The following BBS2 variants were observed in gnomAD, a reference collection of about 807,000 sequenced individuals.
BBS2 encodes BBSome complex member BBS2.
Under a neutral mutation model 83.0 loss-of-function variants are expected in BBS2, and 62 were observed. The observed-to-expected ratio is 0.75, with a 90% CI of 0.61 to 0.92. The LOEUF (loss-of-function observed/expected upper bound fraction) is 0.92, where lower values mean the gene tolerates loss of function less well. BBS2 is among the 40% of genes least tolerant of loss of function. BBS2 has a pLI of 0.00. For synonymous variants in BBS2, 303 were observed against 326.1 expected (o/e 0.93, Z 0.76); for missense variants, 784 against 901.0 (o/e 0.87, Z 1.66).
At chr16:56,497,901 C>G in intron 13 of BBS2, 21 bp from the exon 14 acceptor site, 1 of 1,605,442 alleles carries the variant, frequency 6.2e-7, no homozygotes, top group Non-Finnish European at 8.5e-7. Flanking sequence ...AAAAAATAGA[C>G]AAGTTTAGCA....
intron 15 of BBS2, among the ~76,000 whole-genome samples, chr16:56,495,538 G>C (rs1177937831): frequency 1.3e-5 from 2 of 152,044 alleles, no homozygotes; most frequent in Admixed American, 1.3e-4. Context: ...AGACTGAGTG[G>C]GCAAGCAAAA....
chr16:56,476,067 C>A, intron 17 of BBS2: 1 of 1,612,746 alleles, frequency 6.2e-7, no homozygotes, highest in Non-Finnish European at 8.5e-7. Flanking sequence ...ATCCAGAAAG[C>A]AATTCTTTGG....
At chr16:56,507,191 G>A (rs993992742) in intron 5 of BBS2, among the ~76,000 whole-genome samples, 3 of 152,168 alleles carry the variant, frequency 2.0e-5, no homozygotes, top group African/African-American at 7.2e-5. Flanking sequence ...TTTGAGCTAG[G>A]AGCAAAACCT....
Position 56,499,914 on chromosome 16 carries a change from CCAAT to C in BBS2, c.1398-11_1398-8del. The C allele has an allele frequency of 4.3e-6, 7 of 1,613,792 alleles. No homozygotes were observed. Among genetic ancestry groups the C allele is most frequent in the Non-Finnish European group, 5.9e-6 (7 of 1,179,850 alleles). ...AAATACATGAAACTGGGTGCTATGG[CCAAT>C]CAATGAAACACAAGAGAATTGTTTT... On this transcript the variant is annotated splice_polypyrimidine_tract_variant and splice_region_variant and intron_variant, in intron 11 of 16. Coordinates refer to ENST00000245157, the MANE Select transcript of BBS2 (RefSeq NM_031885.5).
chr16:56,502,671 AC>A lies in BBS2; in HGVS notation c.940+1del, dbSNP rs746171104. The A allele has an allele frequency of 1.9e-6, 3 of 1,614,136 alleles. No individual in the cohort carries two copies. In the African/African-American group the frequency reaches 4.0e-5, roughly 22 times the overall value. ...TTAAGGATTTTTCTCATCCCAATTT[AC>A]TTTCCCCATCCACTGAGCAGCAGAT... On this transcript the variant is annotated splice_donor_variant, in intron 8 of 16. Coordinates refer to ENST00000245157, the MANE Select transcript of BBS2 (RefSeq NM_031885.5). LOFTEE classifies it high-confidence loss of function.
At chr16:56,482,441 C>T (rs1470893519), downstream of BBS2, among the ~76,000 whole-genome samples, 1 of 152,102 alleles carries the variant, frequency 6.6e-6, no homozygotes, top group African/African-American at 2.4e-5. Flanking sequence ...TCTCGGCTCA[C>T]AGCAACCTCT....
At chr16:56,485,534 T>G in intron 16 of BBS2, 56 bp downstream of exon 16, 326 of 1,600,168 alleles carry the variant, frequency 2.0e-4, no homozygotes, top group Middle Eastern at 3.3e-4. Flanking sequence ...CCATCTTCAA[T>G]GAGTTCCACC....
At chr16:56,473,667 G>A (rs1963308352) in intron 17 of BBS2, among the ~76,000 whole-genome samples, 1 of 151,146 alleles carries the variant, frequency 6.6e-6, no homozygotes. Flanking sequence ...TTGACTAATG[G>A]TGCGTGGTTG....
At chr16:56,499,028 T>G in intron 12 of BBS2, 1 of 258,946 alleles carries the variant, frequency 3.9e-6, no homozygotes, top group Non-Finnish European at 7.5e-6. Flanking sequence ...CACAGATATA[T>G]CCACACAATA....
rs1460934723 is a variant in BBS2, at chr16:56,519,741, G to A, written c.117+5C>T. 5 of 1,610,880 alleles carry A rather than the reference G, an allele frequency of 3.1e-6. No individual in the cohort carries two copies. The highest frequency in any genetic ancestry group is 1.7e-5 in the Admixed American group (1 of 59,964). Reference sequence around the variant, plus strand: ...CCCGGGCTCCCTGCGGGTGGGAGCGGTTACCTTGCCCGTTTGGGTGGCGGC... The same window carrying A: ...CCCGGGCTCCCTGCGGGTGGGAGCGATTACCTTGCCCGTTTGGGTGGCGGC... On this transcript the variant is annotated splice_donor_5th_base_variant and intron_variant, in intron 1 of 16. Transcript: ENST00000245157.
At chr16:56,490,721 C>T (rs1460118714) in intron 15 of BBS2, among the ~76,000 whole-genome samples, 3 of 152,036 alleles carry the variant, frequency 2.0e-5, no homozygotes, top group East Asian at 1.9e-4. Context: ...TGACTATATA[C>T]AAAATTTTAA....
chr16:56,494,734 G>A (rs993290662), intron 15 of BBS2, among the ~76,000 whole-genome samples: 4 of 152,058 alleles, frequency 2.6e-5, no homozygotes, highest in African/African-American at 2.4e-5. Context: ...AGGCTGAGGC[G>A]GGCAGATCAC....
At chr16:56,499,453 A>G in intron 12 of BBS2, 1 of 347,386 alleles carries the variant, frequency 2.9e-6, no homozygotes, top group Admixed American at 4.1e-5. Context: ...TCCAAGTCCC[A>G]CTCTCTTTTC....
At chr16:56,501,095 G>T in intron 10 of BBS2, 70 bp from the exon 11 acceptor site, 1 of 1,534,230 alleles carries the variant, frequency 6.5e-7, no homozygotes, top group South Asian at 1.1e-5. Context: ...CAGATCACGA[G>T]GTCAGGAGGT....
chr16:56,515,680 C>CTGCAGTAATGTTAGCGGTTAGGCG (rs1964719838), intron 1 of BBS2, among the ~76,000 whole-genome samples: 1 of 152,178 alleles, frequency 6.6e-6, no homozygotes, highest in Admixed American at 6.5e-5. Context: ...CCAAGGCAGC[C>CTGCAGTAATGTTAGCGGTTAGGCG]TATTCAACAA....
intron 17 of BBS2, chr16:56,476,277 G>T: frequency 7.1e-7 from 1 of 1,408,104 alleles, no homozygotes; most frequent in Non-Finnish European, 9.7e-7. Flanking sequence ...GCTAAGCATG[G>T]AGTCAAGGAG....
intron 15 of BBS2, among the ~76,000 whole-genome samples, chr16:56,489,271 G>A (rs575713542): frequency 2.0e-5 from 3 of 152,110 alleles, no homozygotes; most frequent in Non-Finnish European, 4.4e-5. Flanking sequence ...TACCTGGGAG[G>A]CCGAGGTTGC....
At chr16:56,509,726 C>T in intron 5 of BBS2, 1 of 513,732 alleles carries the variant, frequency 1.9e-6, no homozygotes, top group East Asian at 3.5e-5. Context: ...ATGTATTCAA[C>T]TATATGCAAT....
chr16:56,500,037 C>CTCAAGTGTTTTGGGGGTT, intron 11 of BBS2, 130 bp from the exon 12 acceptor site: 3 of 1,097,806 alleles, frequency 2.7e-6, no homozygotes, highest in Non-Finnish European at 4.1e-6. Flanking sequence ...AGAAGGAACC[C>CTCAAGTGTTTTGGGGGTT]CCAAAACACT....
Sources: gnomAD v4.1 joint callset for allele counts (sites outside exome capture counted in the v4.1 genomes callset) on GRCh38, gnomAD v4.1.1 for gene constraint, MANE v1.5 for transcripts, NCBI Gene and HGNC (gene_info 2026-07-23, HGNC 2026-07-21) for gene names.